The following OPCML variants were observed in gnomAD, a reference collection of about 807,000 sequenced individuals.
OPCML encodes opioid binding protein/cell adhesion molecule like.
OPCML carries 13 observed loss-of-function variants against 37.8 expected under a neutral mutation model. The observed-to-expected ratio is 0.34, with a 90% CI of 0.22 to 0.55. The LOEUF (loss-of-function observed/expected upper bound fraction) is 0.55, where lower values mean the gene tolerates loss of function less well. Ranked by LOEUF, OPCML falls within the 20% of genes least tolerant of loss-of-function variation. The pLI is 0.91. For synonymous variants in OPCML, 176 were observed against 168.8 expected (o/e 1.04, Z -0.33); for missense variants, 341 against 435.6 (o/e 0.78, Z 1.93).
Position 132,558,010 on chromosome 11 carries a change from C to T in OPCML, c.380-28824G>A, listed in dbSNP as rs376834795. On this transcript the variant is annotated intron_variant, in intron 3 of 7. Coordinates refer to ENST00000524381, the MANE Select transcript of OPCML (RefSeq NM_001012393.5). ...ACACACATGCTCACACATACACACA[C>T]GGTGTTACTTAGTCCCTACTATGTG... 9.3e-4 allele frequency among the ~76,000 whole-genome samples: 108 copies of T among 116,464 alleles called. 2 individuals are homozygous for T. The highest frequency in any genetic ancestry group is 4.0e-3 in the Middle Eastern group (1 of 248). The allele number at this position is 116,464 out of a possible 152,430, so 76.4% of individuals were successfully genotyped here.
intron 1 of OPCML, among the ~76,000 whole-genome samples, chr11:133,218,045 C>CAAA (rs112195465): frequency 0.035 from 5,072 of 144,578 alleles, 276 homozygotes; most frequent in African/African-American, 0.12. Context: ...TACCCTGTCT[C>CAAA]AAAAAAAAAA....
chr11:132,520,255 C>T (rs2096289525), intron 4 of OPCML, among the ~76,000 whole-genome samples: 1 of 152,160 alleles, frequency 6.6e-6, no homozygotes, highest in Admixed American at 6.6e-5. Context: ...GCTATGGAAG[C>T]CATCTTTGTA....
chr11:133,164,844 T>C (rs1229397499), intron 1 of OPCML, among the ~76,000 whole-genome samples: 1 of 152,202 alleles, frequency 6.6e-6, no homozygotes, highest in Non-Finnish European at 1.5e-5. Flanking sequence ...AACATTGACA[T>C]AGAATTCCAA....
intron 3 of OPCML, among the ~76,000 whole-genome samples, chr11:132,609,839 G>A (rs922606380): frequency 6.6e-6 from 1 of 152,120 alleles, no homozygotes; most frequent in African/African-American, 2.4e-5. Context: ...ATCGATATCT[G>A]TATCTCTAGT....
chr11:133,101,242 G>C (rs1000198411), intron 1 of OPCML, among the ~76,000 whole-genome samples: 1 of 152,152 alleles, frequency 6.6e-6, no homozygotes, highest in African/African-American at 2.4e-5. Context: ...GAGTTATTTA[G>C]ATGTAATAGC....
chr11:132,455,342 C>T lies in OPCML; in HGVS notation c.506-17983G>A, dbSNP rs192177702. On this transcript the variant is annotated intron_variant, in intron 4 of 7. Transcript: ENST00000524381. The stretch of plus-strand genomic sequence containing the variant: ...TGACCTGAGATGGCTTACATGCTAC[C>T]GGTGAGATTCCCTTAACTCAAAAGG... Among the ~76,000 whole-genome samples the T allele has an allele frequency of 2.2e-4, 33 of 152,242 alleles. No homozygotes were observed. In the East Asian group the frequency reaches 4.6e-3, roughly 21 times the overall value.
chr11:132,826,546 A>G (rs1292594027), intron 2 of OPCML, among the ~76,000 whole-genome samples: 1 of 152,198 alleles, frequency 6.6e-6, no homozygotes, highest in African/African-American at 2.4e-5. Flanking sequence ...CAGCCATGTG[A>G]CCTGTCTCAA....
At chr11:132,450,889 T>C (rs1218013624) in intron 4 of OPCML, among the ~76,000 whole-genome samples, 1 of 152,192 alleles carries the variant, frequency 6.6e-6, no homozygotes, top group African/African-American at 2.4e-5. Flanking sequence ...GTTTGATGAT[T>C]TCTAAAAAGC....
chr11:132,422,356 G>A (rs971437250), intron 7 of OPCML, among the ~76,000 whole-genome samples: 1 of 152,170 alleles, frequency 6.6e-6, no homozygotes, highest in Non-Finnish European at 1.5e-5. Flanking sequence ...TGGAAGAGTG[G>A]GGCTCAGAGA....
chr11:132,451,796 C>G (rs915073237), intron 4 of OPCML, among the ~76,000 whole-genome samples: 5 of 152,112 alleles, frequency 3.3e-5, no homozygotes, highest in African/African-American at 1.2e-4. Flanking sequence ...AAACAAAAGA[C>G]TTTTTTTGTG....
intron 3 of OPCML, among the ~76,000 whole-genome samples, chr11:132,627,005 TATAA>T (rs1318512727): frequency 6.6e-6 from 1 of 151,872 alleles, no homozygotes; most frequent in Non-Finnish European, 1.5e-5. Context: ...ACTAAAAAGC[TATAA>T]ATAGAGAATG....
chr11:132,635,508 T>G, intron 3 of OPCML, among the ~76,000 whole-genome samples: 1 of 151,858 alleles, frequency 6.6e-6, no homozygotes, highest in East Asian at 1.9e-4. Flanking sequence ...GTTTTTTCCT[T>G]TCTGAAATGG....
At chr11:132,695,959 T>G (rs1451776770) in intron 2 of OPCML, among the ~76,000 whole-genome samples, 1 of 152,092 alleles carries the variant, frequency 6.6e-6, no homozygotes, top group East Asian at 1.9e-4. Flanking sequence ...AAATGAGCAG[T>G]GGGGCCAACA....
rs1038818620 is a variant in OPCML, at chr11:133,118,363, C to T, written c.62-175353G>A. On this transcript the variant is annotated intron_variant, in intron 1 of 7. Coordinates refer to ENST00000524381, the MANE Select transcript of OPCML (RefSeq NM_001012393.5). ...GTGCAAGGACATGCCGGTTGTTTAA[C>T]GGTGAGAGTTATAAACTGGAGTCTT... 1.4e-5 allele frequency: 14 copies of T among 985,250 alleles called. No individual in the cohort carries two copies. In the African/African-American group the frequency reaches 1.7e-4, roughly 12 times the overall value. The allele number at this position is 985,250 out of a possible 1,614,324, so 61.0% of individuals were successfully genotyped here.
intron 2 of OPCML, among the ~76,000 whole-genome samples, chr11:132,804,910 C>A (rs749661037): frequency 2.0e-5 from 3 of 152,118 alleles, no homozygotes; most frequent in Non-Finnish European, 4.4e-5. Context: ...TGTGATCTAG[C>A]CTTAAGAATA....
At chr11:132,826,460 C>T (rs892472566) in intron 2 of OPCML, among the ~76,000 whole-genome samples, 3 of 152,076 alleles carry the variant, frequency 2.0e-5, no homozygotes, top group African/African-American at 7.2e-5. Flanking sequence ...TGAATGGCAA[C>T]AGCAAGAGAA....
chr11:132,528,740 A>G (rs899262817), intron 4 of OPCML, among the ~76,000 whole-genome samples: 1 of 152,312 alleles, frequency 6.6e-6, no homozygotes, highest in South Asian at 2.1e-4. Flanking sequence ...TACTTCCAGG[A>G]AGAACAAACC....
chr11:133,328,953 T>C (rs960111395), intron 1 of OPCML, among the ~76,000 whole-genome samples: 7 of 152,146 alleles, frequency 4.6e-5, no homozygotes, highest in African/African-American at 1.7e-4. Flanking sequence ...CAGCCCAAAA[T>C]CGCCTCAAGC....
chr11:132,872,908 G>C (rs1942865451), intron 2 of OPCML, among the ~76,000 whole-genome samples: 1 of 151,884 alleles, frequency 6.6e-6, no homozygotes, highest in South Asian at 2.1e-4. Flanking sequence ...TCTGTTTCAA[G>C]AAGGCCTTCT....
Sources: gnomAD v4.1 joint callset for allele counts (sites outside exome capture counted in the v4.1 genomes callset) on GRCh38, gnomAD v4.1.1 for gene constraint, MANE v1.5 for transcripts, NCBI Gene and HGNC (gene_info 2026-07-23, HGNC 2026-07-21) for gene names.